UNC79: variants seen among roughly 807,000 people sequenced by gnomAD.
The protein encoded by UNC79 is protein unc-79 homolog.
Under a neutral mutation model 283.1 loss-of-function variants are expected in UNC79, and 37 were observed. The ratio of observed to expected loss-of-function variants is 0.13; its 90% CI spans 0.10 to 0.17. UNC79 has a LOEUF of 0.17. UNC79 is among the 10% of genes least tolerant of loss of function. UNC79 has a pLI of 1.00. For synonymous variants in UNC79, 1,107 were observed against 1,200.2 expected, an observed-to-expected ratio of 0.92 and a Z score of 1.61; for missense variants, 2,272 against 3,211.1, an observed-to-expected ratio of 0.71 and a Z score of 7.07.
At chr14:93,512,106 G>A (rs960793911) in intron 7 of UNC79, among the ~76,000 whole-genome samples, 3 of 152,070 alleles carry the variant, frequency 2.0e-5, no homozygotes, top group African/African-American at 7.2e-5. Flanking sequence ...TGTTATTTAG[G>A]AGAGTAGTTT....
chr14:93,673,261 C>T (rs2073045963), intron 40 of UNC79, 90 bp from the exon 44 acceptor site: 2 of 1,085,992 alleles, frequency 1.8e-6, no homozygotes, highest in Non-Finnish European at 2.7e-6. Flanking sequence ...TTATTTCTGA[C>T]CCGTGAATTT....
At chr14:93,498,634 C>T (rs11160122) in intron 7 of UNC79, among the ~76,000 whole-genome samples, 46,646 of 151,798 alleles carry the variant, frequency 0.31, 7,527 homozygotes, top group East Asian at 0.65. Context: ...GGTTGCTCAG[C>T]CATTCAACAG....
Position 93,392,406 on chromosome 14 carries a change from TG to T in UNC79, c.-351+58886del, listed in dbSNP as rs2054902773. ...TGTAGTGTTTAGGGATACATACTTA[TG>T]GGAAGGGTACAGGTGATTAAAAAAG... is the stretch of plus-strand genomic sequence containing the variant. On this transcript the variant is annotated intron_variant, in intron 1 of 49. Coordinates refer to the UNC79 transcript ENST00000256339. 2.0e-5 allele frequency among the ~76,000 whole-genome samples: 3 copies of T among 152,290 alleles called. No individual in the cohort carries two copies. In the South Asian group the frequency reaches 6.2e-4, roughly 32 times the overall value.
chr14:93,467,382 A>G (rs2057239756), intron 1 of UNC79, among the ~76,000 whole-genome samples: 1 of 152,126 alleles, frequency 6.6e-6, no homozygotes, highest in Non-Finnish European at 1.5e-5. Context: ...TCTTAGTGAT[A>G]AAAACAAGCA....
At chr14:93,571,735 C>T (rs759583315) in intron 14 of UNC79, among the ~76,000 whole-genome samples, 159 bp from the exon 15 acceptor site, 26 of 152,226 alleles carry the variant, frequency 1.7e-4, no homozygotes, top group African/African-American at 4.8e-4. Context: ...GGTGGTTTGC[C>T]GTCTTACGAA....
At chr14:93,389,553 A>G (rs1468817435) in intron 1 of UNC79, among the ~76,000 whole-genome samples, 1 of 152,130 alleles carries the variant, frequency 6.6e-6, no homozygotes, top group Admixed American at 6.6e-5. Flanking sequence ...TGGAGGTGGA[A>G]GGTGTTAGAA....
chr14:93,489,568 A>T (rs556466182), intron 5 of UNC79, among the ~76,000 whole-genome samples: 1 of 152,368 alleles, frequency 6.6e-6, no homozygotes, highest in South Asian at 2.1e-4. Context: ...GGTTCCAAGT[A>T]AGTCTAAAAC....
chr14:93,675,568 A>C (rs897756084), intron 41 of UNC79, among the ~76,000 whole-genome samples: 2 of 152,244 alleles, frequency 1.3e-5, no homozygotes, highest in African/African-American at 4.8e-5. Flanking sequence ...GATGCACAGA[A>C]GTTCAGGAGT....
intron 41 of UNC79, among the ~76,000 whole-genome samples, chr14:93,675,980 A>G (rs566286177): frequency 6.6e-6 from 1 of 152,366 alleles, no homozygotes; most frequent in East Asian, 1.9e-4. Flanking sequence ...TGCACTGGCC[A>G]GGCCCTTCTG....
intron 26 of UNC79, among the ~76,000 whole-genome samples, chr14:93,607,510 G>A (rs1249528509): frequency 2.6e-5 from 4 of 152,192 alleles, no homozygotes; most frequent in Non-Finnish European, 4.4e-5. Context: ...ACTACCTCTT[G>A]ATGAACTGGT....
chr14:93,592,850 G>C (rs958494382), intron 22 of UNC79, among the ~76,000 whole-genome samples: 2 of 152,138 alleles, frequency 1.3e-5, no homozygotes, highest in African/African-American at 4.8e-5. Flanking sequence ...GATGTTATCA[G>C]GGATCTCTTT....
chr14:93,346,923 A>C (rs2053846625), intron 1 of UNC79, among the ~76,000 whole-genome samples: 4 of 151,598 alleles, frequency 2.6e-5, no homozygotes, highest in Admixed American at 2.6e-4. Context: ...TGAGTGGAAA[A>C]GGCGGGGCAG....
chr14:93,565,577 C>G (rs1246467291), intron 14 of UNC79, among the ~76,000 whole-genome samples: 1 of 152,138 alleles, frequency 6.6e-6, no homozygotes, highest in African/African-American at 2.4e-5. Flanking sequence ...AATGGACCAC[C>G]ATATATGTTG....
chr14:93,432,414 T>C (rs2055915835), intron 1 of UNC79, among the ~76,000 whole-genome samples: 1 of 152,246 alleles, frequency 6.6e-6, no homozygotes. Context: ...TTTCCTCATC[T>C]GTAAACCTGG....
Position 93,524,059 on chromosome 14 carries a change from C to A in UNC79, c.963+17C>A, listed in dbSNP as rs757590208. 1.2e-6 allele frequency: 2 copies of A among 1,613,646 alleles called. No homozygotes were observed. Among genetic ancestry groups the A allele is most frequent in the South Asian group, 1.1e-5 (1 of 91,040 alleles). On this transcript the variant is annotated intron_variant, in intron 8 of 48. Transcript: ENST00000555664. ...GCTGTGAAGGTACTGTTTTATTAGA[C>A]CTGGTGCCATACTGTATTGTCAGTG...
intron 8 of UNC79, among the ~76,000 whole-genome samples, chr14:93,525,671 A>C (rs868263515): frequency 6.6e-6 from 1 of 152,096 alleles, no homozygotes; most frequent in Middle Eastern, 3.4e-3. Flanking sequence ...GTTCCTTCTT[A>C]TTATCCTTCT....
chr14:93,680,858 A>G (rs2073791457), intron 41 of UNC79, among the ~76,000 whole-genome samples: 1 of 152,214 alleles, frequency 6.6e-6, no homozygotes, highest in South Asian at 2.1e-4. Context: ...AAAACATGCA[A>G]TCTCTACCAG....
At chr14:93,585,877 C>T (rs2064186229) in intron 20 of UNC79, among the ~76,000 whole-genome samples, 1 of 137,242 alleles carries the variant, frequency 7.3e-6, no homozygotes, top group Admixed American at 7.5e-5. Context: ...ACACCTCTCT[C>T]TCTCTCTTTT....
At chr14:93,407,287 A>G (rs1229936223) in intron 1 of UNC79, among the ~76,000 whole-genome samples, 1 of 152,242 alleles carries the variant, frequency 6.6e-6, no homozygotes. Flanking sequence ...CCCAAACTAG[A>G]GAGATAGGCA....
Sources: allele counts gnomAD v4.1 joint callset (sites outside exome capture counted in the v4.1 genomes callset), GRCh38; gene constraint gnomAD v4.1.1; transcripts MANE v1.5; gene names NCBI Gene and HGNC (gene_info 2026-07-23, HGNC 2026-07-21).